The following ARID4A variants were observed in gnomAD, a reference collection of about 807,000 sequenced individuals.
ARID4A encodes the protein AT-rich interaction domain 4A.
ARID4A carries 39 observed loss-of-function variants against 148.6 expected under a neutral mutation model. The observed-to-expected ratio is 0.26, with a 90% CI of 0.20 to 0.34. The LOEUF is 0.34. ARID4A is among the 10% of genes least tolerant of loss of function. The pLI, the probability that ARID4A is intolerant of heterozygous loss-of-function variation, is 1.00. For missense variants in ARID4A, 1,265 were observed against 1,449.1 expected, an observed-to-expected ratio of 0.87 and a Z score of 2.06; for synonymous variants, 475 against 481.2, an observed-to-expected ratio of 0.99 and a Z score of 0.17.
chr14:58,298,800 G>A (rs1212371635), intron 1 of ARID4A, 100 bp downstream of exon 1: 1 of 152,330 alleles, frequency 6.6e-6, no homozygotes, highest in Admixed American at 6.5e-5. Context: ...AAGCTTTGGA[G>A]GTGGGGAGAG....
intron 11 of ARID4A, among the ~76,000 whole-genome samples, chr14:58,334,674 G>A (rs1267014857): frequency 1.3e-5 from 2 of 152,004 alleles, no homozygotes; most frequent in Non-Finnish European, 2.9e-5. Context: ...GCTCTCTTTC[G>A]CTCAAGGCAC....
At chr14:58,325,074 T>C (rs2033137820) in intron 8 of ARID4A, among the ~76,000 whole-genome samples, 1 of 152,194 alleles carries the variant, frequency 6.6e-6, no homozygotes, top group Admixed American at 6.5e-5. Context: ...AAGCTAATTT[T>C]TGCTTACACA....
intron 8 of ARID4A, among the ~76,000 whole-genome samples, chr14:58,324,776 A>G (rs1283107398): frequency 6.6e-6 from 1 of 152,202 alleles, no homozygotes; most frequent in African/African-American, 2.4e-5. Flanking sequence ...TTTAAGATAC[A>G]TCACTCCTCT....
chr14:58,336,962 A>G (rs899383086), intron 11 of ARID4A, among the ~76,000 whole-genome samples: 1 of 148,980 alleles, frequency 6.7e-6, no homozygotes, highest in Non-Finnish European at 1.5e-5. Flanking sequence ...CGCGATTTCC[A>G]CTCACTGCAA....
chr14:58,324,193 G>A (rs756349328), intron 8 of ARID4A, among the ~76,000 whole-genome samples: 5 of 152,044 alleles, frequency 3.3e-5, no homozygotes, highest in East Asian at 1.9e-4. Flanking sequence ...GTGAGCCACC[G>A]CGCCTGGCCT....
At chr14:58,314,260 C>G (rs1219257450) in intron 5 of ARID4A, among the ~76,000 whole-genome samples, 1 of 152,158 alleles carries the variant, frequency 6.6e-6, no homozygotes. Context: ...TTAATTATTT[C>G]ACTCTTACAA....
intron 21 of ARID4A, 140 bp downstream of exon 21, chr14:58,365,762 C>T (rs765284901): frequency 1.9e-5 from 15 of 793,168 alleles, no homozygotes; most frequent in Non-Finnish European, 2.7e-5. Context: ...AGATATTTTG[C>T]CATTTTTATT....
At chr14:58,310,117 T>A (rs1450780514) in intron 5 of ARID4A, among the ~76,000 whole-genome samples, 1 of 152,226 alleles carries the variant, frequency 6.6e-6, no homozygotes, top group Non-Finnish European at 1.5e-5. Flanking sequence ...ACTCATTTTT[T>A]AAATGGCCTT....
At chr14:58,338,379 C>T (rs1049398075) in intron 11 of ARID4A, among the ~76,000 whole-genome samples, 3 of 152,088 alleles carry the variant, frequency 2.0e-5, no homozygotes, top group Non-Finnish European at 2.9e-5. Flanking sequence ...GCTTCCTTCC[C>T]GTGAGTCCTC....
At chr14:58,327,747 C>T (rs973309149) in intron 8 of ARID4A, among the ~76,000 whole-genome samples, 4 of 151,994 alleles carry the variant, frequency 2.6e-5, no homozygotes, top group African/African-American at 9.7e-5. Context: ...ATTTGGCTCA[C>T]CGCAGCCTCC....
At chr14:58,318,664 C>A in intron 6 of ARID4A, 43 bp downstream of exon 6, 1 of 1,612,622 alleles carries the variant, frequency 6.2e-7, no homozygotes, top group Non-Finnish European at 8.5e-7. Context: ...ACTACAGGTA[C>A]TGATCTAGAG....
chr14:58,361,168 G>T, intron 19 of ARID4A, 126 bp downstream of exon 19: 9 of 1,386,822 alleles, frequency 6.5e-6, no homozygotes, highest in Non-Finnish European at 6.7e-6. Context: ...AACTTCCATT[G>T]TGTGAAATAT....
chr14:58,348,723 T>C (rs573670047), intron 15 of ARID4A, among the ~76,000 whole-genome samples: 1 of 152,342 alleles, frequency 6.6e-6, no homozygotes, highest in South Asian at 2.1e-4. Flanking sequence ...TGAAAGAGAA[T>C]GTGAAATTGC....
At position 58,351,216 on chromosome 14, in the gene ARID4A, GCTA is replaced by G. The variant is rs1566711224; in HGVS notation, c.1554_1556del (p.Leu519del). On this transcript the variant is annotated inframe_deletion, in exon 16 of 24. Transcript: ENST00000355431. ...AAACTGCAGAGAAAAAAGAAAATGA[GCTA>G]CTACTGGGGAGAAAAAATACACCAA... is the stretch of plus-strand genomic sequence containing the variant. 1 of 1,613,004 alleles carries G rather than the reference GCTA, an allele frequency of 6.2e-7. No individual in the cohort carries two copies.
intron 8 of ARID4A, among the ~76,000 whole-genome samples, chr14:58,327,258 T>C (rs2033266998): frequency 6.6e-6 from 1 of 152,204 alleles, no homozygotes; most frequent in Non-Finnish European, 1.5e-5. Context: ...TTTCCATCAG[T>C]GCACAAAGGT....
At chr14:58,303,465 T>C in intron 3 of ARID4A, 3 of 456,476 alleles carry the variant, frequency 6.6e-6, no homozygotes, top group South Asian at 3.1e-5. Flanking sequence ...CATAAAATTA[T>C]TGTCATTGGT....
At chr14:58,323,749 T>C in intron 8 of ARID4A, 132 bp downstream of exon 8, 1 of 734,274 alleles carries the variant, frequency 1.4e-6, no homozygotes, top group South Asian at 1.9e-5. Context: ...TTTAATTGAA[T>C]AATCATAGTC....
rs1386824709 is a variant in ARID4A, at chr14:58,371,866, T to C, written c.3671-20T>C. ...TGTGTAACAGTTTTTGGATCTAACA[T>C]AGTTGTTTTGATTCCACAGTGTCTC... On this transcript the variant is annotated intron_variant, in intron 23 of 23. Transcript: ENST00000355431. 1.3e-6 allele frequency: 2 copies of C among 1,582,906 alleles called. No individual in the cohort carries two copies. Among genetic ancestry groups the C allele is most frequent in the African/African-American group, 2.7e-5 (2 of 74,376 alleles).
chr14:58,348,413 A>G (rs950053968), intron 15 of ARID4A, among the ~76,000 whole-genome samples: 7 of 152,226 alleles, frequency 4.6e-5, no homozygotes, highest in Non-Finnish European at 1.0e-4. Context: ...ATGTTGAATA[A>G]ATGAATCACC....
Sources: allele counts gnomAD v4.1 joint callset (sites outside exome capture counted in the v4.1 genomes callset), GRCh38; gene constraint gnomAD v4.1.1; transcripts MANE v1.5; gene names NCBI Gene and HGNC (gene_info 2026-07-23, HGNC 2026-07-21).